Variants in SHANK2 observed in about 807,000 individuals in gnomAD.
The protein encoded by SHANK2 is SH3 and multiple ankyrin repeat domains protein 2.
In SHANK2, 43 loss-of-function variants were observed where a neutral mutation model predicts 133.7. That is an observed-to-expected ratio of 0.32 (90% CI 0.25 to 0.41). The LOEUF is 0.41. Among genes scored for constraint, SHANK2 ranks in the 10% least tolerant of loss-of-function variants. The probability of loss-of-function intolerance (pLI) is 1.00; values close to 1 mark genes in which losing one functional copy is unlikely to be tolerated. For synonymous variants in SHANK2, 1,017 were observed against 952.8 expected (o/e 1.07, Z -1.24); for missense variants, 1,994 against 2,235.8 (o/e 0.89, Z 2.18).
intron 17 of SHANK2, among the ~76,000 whole-genome samples, chr11:70,636,039 G>A (rs1039370206): frequency 1.3e-5 from 2 of 152,334 alleles, no homozygotes; most frequent in South Asian, 2.1e-4. Flanking sequence ...CCCGGTGCCC[G>A]GCCCACCCTC....
At chr11:70,613,454 C>T (rs1194999794) in intron 17 of SHANK2, among the ~76,000 whole-genome samples, 3 of 152,166 alleles carry the variant, frequency 2.0e-5, no homozygotes, top group African/African-American at 7.2e-5. Context: ...CCGCCCACCT[C>T]GGCCTCCCAA....
intron 15 of SHANK2, among the ~76,000 whole-genome samples, chr11:70,685,506 G>C (rs1354792678): frequency 6.6e-6 from 1 of 152,158 alleles, no homozygotes; most frequent in Non-Finnish European, 1.5e-5. Context: ...TTGGTTGGCA[G>C]GGCCTGGGAG....
chr11:70,719,772 A>T (rs1946036304), intron 14 of SHANK2, among the ~76,000 whole-genome samples: 1 of 151,006 alleles, frequency 6.6e-6, no homozygotes, highest in Admixed American at 6.6e-5. Context: ...AGCATTTGAC[A>T]CGGCAGCACA....
intron 11 of SHANK2, among the ~76,000 whole-genome samples, chr11:70,842,762 G>T (rs984928572): frequency 9.9e-5 from 15 of 152,166 alleles, no homozygotes; most frequent in African/African-American, 2.7e-4. Context: ...AGGCTCCCAG[G>T]GGGGTGGGAG....
At chr11:71,068,585 G>T (rs968501436) in intron 9 of SHANK2, among the ~76,000 whole-genome samples, 3 of 152,248 alleles carry the variant, frequency 2.0e-5, no homozygotes, top group Non-Finnish European at 4.4e-5. Flanking sequence ...TGTGAGGGCA[G>T]AATGGAAAGA....
chr11:71,103,242 C>G (rs571197928), intron 6 of SHANK2, among the ~76,000 whole-genome samples: 7 of 152,296 alleles, frequency 4.6e-5, no homozygotes, highest in Admixed American at 3.3e-4. Flanking sequence ...GCAGGGGACC[C>G]CCTTGATTAC....
At chr11:70,474,314 T>C (rs1008678587) in intron 25 of SHANK2, 1 of 152,292 alleles carries the variant, frequency 6.6e-6, no homozygotes, top group Admixed American at 6.5e-5. Context: ...AGGGTGGCCA[T>C]GGGCGTCCCC....
intron 15 of SHANK2, among the ~76,000 whole-genome samples, chr11:70,692,296 C>T (rs1339066701): frequency 6.6e-6 from 1 of 152,224 alleles, no homozygotes; most frequent in Non-Finnish European, 1.5e-5. Context: ...GCTCACAACT[C>T]AGCACCCCTC....
chr11:70,635,636 T>A (rs1274978621), intron 17 of SHANK2: 1 of 151,862 alleles, frequency 6.6e-6, no homozygotes, highest in African/African-American at 2.4e-5. Flanking sequence ...TGGATGGTGG[T>A]GATGGTGAAT....
At chr11:70,868,756 G>A (rs1048082972) in intron 11 of SHANK2, among the ~76,000 whole-genome samples, 3 of 152,198 alleles carry the variant, frequency 2.0e-5, no homozygotes, top group Non-Finnish European at 2.9e-5. Flanking sequence ...GCTCTGGCAC[G>A]GAAAGCCCTG....
intron 17 of SHANK2, among the ~76,000 whole-genome samples, chr11:70,588,942 C>T (rs909677609): frequency 9.2e-5 from 14 of 152,260 alleles, no homozygotes; most frequent in South Asian, 4.1e-4. Context: ...CTCAGCCTCC[C>T]GAGTAGCTGG....
intron 14 of SHANK2, among the ~76,000 whole-genome samples, chr11:70,713,903 C>T (rs564878045): frequency 2.6e-5 from 4 of 152,354 alleles, no homozygotes; most frequent in East Asian, 1.9e-4. Flanking sequence ...TGCACACCAG[C>T]GATCTGTGCC....
chr11:70,917,668 G>A (rs1555080064), intron 10 of SHANK2, among the ~76,000 whole-genome samples: 5 of 152,132 alleles, frequency 3.3e-5, no homozygotes, highest in African/African-American at 9.7e-5. Flanking sequence ...GGAATACTAC[G>A]CAGCCATAAA....
chr11:70,654,376 T>C (rs2061377866), intron 17 of SHANK2: 1 of 152,226 alleles, frequency 6.6e-6, no homozygotes, highest in Admixed American at 6.5e-5. Context: ...GTTTCCTATG[T>C]ATGAAATGGA....
chr11:70,701,880 C>CCCATCATCATCACCACCACCCT (rs1945529106), intron 14 of SHANK2, among the ~76,000 whole-genome samples: 2 of 151,878 alleles, frequency 1.3e-5, no homozygotes, highest in Admixed American at 1.3e-4. Flanking sequence ...CATCACCACT[C>CCCATCATCATCACCACCACCCT]CCATCATCAT....
intron 14 of SHANK2, among the ~76,000 whole-genome samples, chr11:70,716,228 C>T (rs1555027234): frequency 6.6e-6 from 1 of 152,176 alleles, no homozygotes; most frequent in African/African-American, 2.4e-5. Context: ...CCCCAAGCAT[C>T]TCCTGGCACG....
intron 14 of SHANK2, among the ~76,000 whole-genome samples, chr11:70,789,531 C>T (rs578108816): frequency 6.6e-6 from 1 of 152,140 alleles, no homozygotes; most frequent in African/African-American, 2.4e-5. Flanking sequence ...CAGAAGATTC[C>T]GGAAGCCCAT....
chr11:70,589,304 T>C (rs1358425863), intron 17 of SHANK2, among the ~76,000 whole-genome samples: 2 of 152,246 alleles, frequency 1.3e-5, no homozygotes, highest in Non-Finnish European at 1.5e-5. Flanking sequence ...TTAGGAATTA[T>C]GTGAAACCTA....
At chr11:71,120,762 G>A (rs1215617215) in intron 3 of SHANK2, among the ~76,000 whole-genome samples, 14 of 152,202 alleles carry the variant, frequency 9.2e-5, no homozygotes, top group Non-Finnish European at 1.0e-4. Flanking sequence ...AGCTGTATCA[G>A]GTGTGACCAG....
Sources: gnomAD v4.1 joint callset for allele counts (sites outside exome capture counted in the v4.1 genomes callset) on GRCh38, gnomAD v4.1.1 for gene constraint, MANE v1.5 for transcripts, NCBI Gene and HGNC (gene_info 2026-07-23, HGNC 2026-07-21) for gene names.